The following SYT9 variants were observed in gnomAD, a reference collection of about 807,000 sequenced individuals.
SYT9 encodes the protein synaptotagmin-9.
Under a neutral mutation model 48.4 loss-of-function variants are expected in SYT9, and 22 were observed. The ratio of observed to expected loss-of-function variants is 0.45; its 90% CI spans 0.32 to 0.65. SYT9 has a LOEUF of 0.65. SYT9 is among the 30% of genes least tolerant of loss of function. The pLI is 0.03. For missense variants in SYT9, 577 were observed against 622.0 expected, an observed-to-expected ratio of 0.93 and a Z score of 0.77; for synonymous variants, 265 against 245.0, an observed-to-expected ratio of 1.08 and a Z score of -0.76.
upstream of SYT9, among the ~76,000 whole-genome samples, chr11:7,249,763 GA>G (rs1847836341): frequency 6.6e-6 from 1 of 152,188 alleles, no homozygotes; most frequent in Admixed American, 6.5e-5. Flanking sequence ...GAGATAAGAT[GA>G]GAAACCCTAG....
intron 6 of SYT9, among the ~76,000 whole-genome samples, chr11:7,447,271 C>T (rs1564907203): frequency 6.6e-6 from 1 of 152,196 alleles, no homozygotes; most frequent in Non-Finnish European, 1.5e-5. Flanking sequence ...TTCTCTCTGG[C>T]TCTCCGTGGC....
At chr11:7,349,145 T>C (rs1849859740) in intron 3 of SYT9, among the ~76,000 whole-genome samples, 2 of 151,984 alleles carry the variant, frequency 1.3e-5, no homozygotes, top group African/African-American at 4.8e-5. Context: ...TCAGAGCCAC[T>C]TACTCTCTTT....
chr11:7,377,568 TC>T (rs886665703), intron 3 of SYT9, among the ~76,000 whole-genome samples: 2 of 152,086 alleles, frequency 1.3e-5, no homozygotes, highest in African/African-American at 4.8e-5. Context: ...TTTTTCTTTT[TC>T]CCACCAGCTT....
chr11:7,437,214 A>G (rs1431789886), intron 6 of SYT9, among the ~76,000 whole-genome samples: 1 of 152,194 alleles, frequency 6.6e-6, no homozygotes, highest in Admixed American at 6.5e-5. Flanking sequence ...CCAGTGCTTC[A>G]CAAAGACTTT....
chr11:7,246,394 G>T, intron 1 of SYT9, among the ~76,000 whole-genome samples: 1 of 152,184 alleles, frequency 6.6e-6, no homozygotes, highest in Middle Eastern at 3.2e-3. Context: ...AGTCACAGGG[G>T]ACTTCCTCTG....
At chr11:7,260,269 G>A (rs1848053481) in intron 1 of SYT9, among the ~76,000 whole-genome samples, 1 of 152,218 alleles carries the variant, frequency 6.6e-6, no homozygotes, top group South Asian at 2.1e-4. Flanking sequence ...GAAAAAAGAG[G>A]AGAGAAGTAA....
chr11:7,333,507 A>T (rs1422965785), intron 3 of SYT9, among the ~76,000 whole-genome samples: 2 of 152,216 alleles, frequency 1.3e-5, no homozygotes, highest in African/African-American at 4.8e-5. Context: ...TTAAAAACTG[A>T]ACAGATCTAT....
At chr11:7,381,833 C>T (rs1251173686) in intron 3 of SYT9, among the ~76,000 whole-genome samples, 1 of 152,236 alleles carries the variant, frequency 6.6e-6, no homozygotes, top group South Asian at 2.1e-4. Context: ...ATTATCAATC[C>T]CATCTGCCAC....
chr11:7,424,988 G>T (rs920732983), intron 6 of SYT9, among the ~76,000 whole-genome samples: 2 of 152,146 alleles, frequency 1.3e-5, no homozygotes, highest in South Asian at 2.1e-4. Flanking sequence ...CTCTAGAAGG[G>T]TATAAACTTA....
At chr11:7,357,766 C>T (rs944658852) in intron 3 of SYT9, among the ~76,000 whole-genome samples, 1 of 152,022 alleles carries the variant, frequency 6.6e-6, no homozygotes, top group African/African-American at 2.4e-5. Context: ...TTCATTATTC[C>T]CTTAGAATTT....
intron 1 of SYT9, among the ~76,000 whole-genome samples, chr11:7,266,390 C>T (rs1251051316): frequency 6.6e-6 from 1 of 151,920 alleles, no homozygotes; most frequent in Non-Finnish European, 1.5e-5. Flanking sequence ...TAGAAAGTCC[C>T]CCAAAGTGTT....
chr11:7,392,763 C>T (rs747109032), intron 3 of SYT9, among the ~76,000 whole-genome samples: 14 of 151,910 alleles, frequency 9.2e-5, no homozygotes, highest in Non-Finnish European at 1.8e-4. Context: ...ATTTGTACTG[C>T]CTATGATTTC....
At chr11:7,352,563 G>A (rs549384689) in intron 3 of SYT9, among the ~76,000 whole-genome samples, 5 of 152,298 alleles carry the variant, frequency 3.3e-5, no homozygotes, top group East Asian at 3.9e-4. Flanking sequence ...GAAGTGAAGC[G>A]TTAAGGTAAA....
At position 7,339,454 on chromosome 11, in the gene SYT9, C is replaced by G. The variant is rs117267203; in HGVS notation, c.1044+25513C>G. Among the ~76,000 whole-genome samples the G allele has an allele frequency of 5.5e-4, 84 of 152,282 alleles. No homozygotes were observed. The East Asian group carries it at 0.015, about 27-fold the overall frequency. On this transcript the variant is annotated intron_variant, in intron 3 of 6. Transcript: ENST00000318881. ...GTGGTTGCATTTTAGTGTCCCTGGT[C>G]TGTGTACTTAAGTATGTTTTTGCAC...
chr11:7,401,099 C>T (rs540684108), intron 3 of SYT9, among the ~76,000 whole-genome samples: 20 of 152,036 alleles, frequency 1.3e-4, no homozygotes, highest in African/African-American at 4.8e-4. Flanking sequence ...GATGCCAAAC[C>T]ACCACAGATT....
At position 7,452,892 on chromosome 11, in the gene SYT9, C is replaced by G. The variant is rs904361741; in HGVS notation, c.1468-13900C>G. 5.4e-4 allele frequency among the ~76,000 whole-genome samples: 82 copies of G among 152,050 alleles called. 1 individual carries two copies. The highest frequency in any genetic ancestry group is 1.5e-4 in the Non-Finnish European group (10 of 68,002). On this transcript the variant is annotated intron_variant, in intron 6 of 6. Transcript: ENST00000318881. The stretch of plus-strand genomic sequence containing the variant: ...CCGCCTCCTGGGTTCAAATGATTCT[C>G]CTGCCTCAGCCTCCCGAGTAGCTGG...
intron 1 of SYT9, among the ~76,000 whole-genome samples, chr11:7,246,730 G>A (rs989177320): frequency 2.6e-5 from 4 of 152,116 alleles, no homozygotes; most frequent in African/African-American, 9.7e-5. Flanking sequence ...TGATTTTGTG[G>A]GTGAGAAATT....
In SYT9 at chr11:7,363,264, C is replaced by T. The variant is rs1170858714; in HGVS notation, c.1044+49323C>T. Reference sequence around the variant, plus strand: ...AGAAGTTAGTGGGAAAACAACTAGCCTACATTTTCCTCAACTTACCCACAT... The same window carrying T: ...AGAAGTTAGTGGGAAAACAACTAGCTTACATTTTCCTCAACTTACCCACAT... On this transcript the variant is annotated intron_variant, in intron 3 of 6. Coordinates refer to ENST00000318881, the MANE Select transcript of SYT9 (RefSeq NM_175733.4). 2.0e-5 allele frequency among the ~76,000 whole-genome samples: 3 copies of T among 152,032 alleles called. No homozygotes were observed. The East Asian group carries it at 5.8e-4, about 29-fold the overall frequency.
intron 3 of SYT9, among the ~76,000 whole-genome samples, chr11:7,381,740 T>G (rs1246836203): frequency 6.6e-6 from 1 of 152,200 alleles, no homozygotes; most frequent in Non-Finnish European, 1.5e-5. Context: ...AGCTGTCTCT[T>G]TTTTTACAGG....
Sources: allele counts gnomAD v4.1 joint callset (sites outside exome capture counted in the v4.1 genomes callset), GRCh38; gene constraint gnomAD v4.1.1; transcripts MANE v1.5; gene names NCBI Gene and HGNC (gene_info 2026-07-23, HGNC 2026-07-21).